DECR1: variants seen among roughly 807,000 people sequenced by gnomAD.
The protein encoded by DECR1 is 2,4-dienoyl-CoA reductase 1, also known as 2,4-dienoyl-CoA reductase [(3E)-enoyl-CoA-producing], mitochondrial.
Under a neutral mutation model 38.8 loss-of-function variants are expected in DECR1, and 44 were observed. The ratio of observed to expected loss-of-function variants is 1.13; its 90% CI spans 0.89 to 1.46. The LOEUF is 1.46. Ranked by LOEUF, DECR1 falls within the 40% of genes most tolerant of loss-of-function variation. The pLI, the probability that DECR1 is intolerant of heterozygous loss-of-function variation, is 0.00. For missense variants in DECR1, 428 were observed against 405.5 expected (o/e 1.06, Z -0.48); for synonymous variants, 148 against 135.2 (o/e 1.09, Z -0.66).
intron 7 of DECR1, among the ~76,000 whole-genome samples, chr8:90,043,235 G>A (rs973625919): frequency 1.1e-4 from 17 of 152,038 alleles, no homozygotes; most frequent in African/African-American, 4.1e-4. Context: ...GCTTTGTCTT[G>A]TTATAGGTAG....
At chr8:90,024,052 C>CT (rs1252137943) in intron 5 of DECR1, among the ~76,000 whole-genome samples, 2 of 152,112 alleles carry the variant, frequency 1.3e-5, no homozygotes, top group African/African-American at 4.8e-5. Context: ...TGAACTCGTC[C>CT]TTTTTTATGG....
At chr8:90,016,995 A>G in intron 1 of DECR1, 129 bp from the exon 2 acceptor site, 2 of 650,956 alleles carry the variant, frequency 3.1e-6, no homozygotes, top group East Asian at 2.7e-5. Context: ...TACAATACCA[A>G]TATGTTTGCA....
At chr8:90,012,272 C>A (rs1319823046) in intron 1 of DECR1, among the ~76,000 whole-genome samples, 1 of 151,814 alleles carries the variant, frequency 6.6e-6, no homozygotes, top group East Asian at 1.9e-4. Flanking sequence ...CCTGCCTCAG[C>A]CTCTCGAATA....
intron 5 of DECR1, among the ~76,000 whole-genome samples, chr8:90,035,973 G>A (rs993008918): frequency 6.6e-6 from 1 of 151,980 alleles, no homozygotes; most frequent in African/African-American, 2.4e-5. Flanking sequence ...TGGATGTTCA[G>A]TGAAGCTGCT....
chr8:90,011,732 A>G (rs1333712382), intron 1 of DECR1, among the ~76,000 whole-genome samples: 1 of 152,100 alleles, frequency 6.6e-6, no homozygotes, highest in Non-Finnish European at 1.5e-5. Context: ...TTTCATTTTC[A>G]TCTTAATGTA....
At chr8:90,021,487 G>T (rs536250580) in intron 5 of DECR1, among the ~76,000 whole-genome samples, 6 of 152,124 alleles carry the variant, frequency 3.9e-5, no homozygotes, top group Non-Finnish European at 8.8e-5. Context: ...ATTTTGGGAA[G>T]GTGGGTTGGA....
Position 90,044,852 on chromosome 8 carries a change from G to A in DECR1, c.742G>A (p.Ala248Thr). ...IQPGPIKTKGAFSRLDPTGTF... is the reference protein window; with the variant it reads ...IQPGPIKTKGTFSRLDPTGTF... ...AATTGTTTTCTTAATTTCTAAGGGT[G>A]CCTTTAGCCGTCTGGACCCAACTGG... Residue 248 changes from alanine to threonine, a missense_variant, in exon 8 of 10, where the codon GCC becomes ACC. Ala to Thr is a moderately conservative substitution (Grantham distance 58). Coordinates refer to ENST00000220764, the MANE Select transcript of DECR1 (RefSeq NM_001359.2). The A allele has an allele frequency of 1.2e-6, 2 of 1,606,960 alleles. No homozygotes were observed. Among genetic ancestry groups the A allele is most frequent in the Non-Finnish European group, 1.7e-6 (2 of 1,177,216 alleles).
chr8:90,031,227 G>T (rs895416015), intron 5 of DECR1, among the ~76,000 whole-genome samples: 13 of 152,110 alleles, frequency 8.5e-5, no homozygotes, highest in African/African-American at 3.1e-4. Context: ...TAGGATTGCT[G>T]TAATGATTAT....
Position 90,052,757 on chromosome 8 carries a change from A to AT in DECR1, c.*860_*861insT, listed in dbSNP as rs1279294880. Among the ~76,000 whole-genome samples the AT allele has an allele frequency of 6.6e-6, 1 of 152,214 alleles. No individual in the cohort carries two copies. Among genetic ancestry groups the AT allele is most frequent in the East Asian group, 1.9e-4 (1 of 5,198 alleles). ...TTTGTCATCCTGAAAATCAAATAATAATGAATCCAAAGTCTCAAGTCTACA... is the reference window on the plus strand; with the variant it reads ...TTTGTCATCCTGAAAATCAAATAATATATGAATCCAAAGTCTCAAGTCTACA... On this transcript the variant is annotated 3_prime_UTR_variant, in exon 10 of 10. Transcript: ENST00000220764.
At position 90,029,612 on chromosome 8, in the gene DECR1, T is replaced by A. The variant is rs1018467213; in HGVS notation, c.566-7229T>A. The A allele has an allele frequency of 4.6e-5, 7 of 152,352 alleles. No individual in the cohort carries two copies. In the East Asian group the frequency reaches 1.3e-3, roughly 29 times the overall value. The allele number at this position is 152,352 out of a possible 1,614,324, so 9.4% of individuals were successfully genotyped here. On this transcript the variant is annotated intron_variant, in intron 5 of 9. Transcript: ENST00000220764. ...CTTGGAAGCATTGAACTAAGTAAAG[T>A]ACATTATACTGTTTTTACAGTTTAA...
chr8:90,027,086 A>G (rs892280736), intron 5 of DECR1, among the ~76,000 whole-genome samples: 4 of 152,112 alleles, frequency 2.6e-5, no homozygotes, highest in Non-Finnish European at 4.4e-5. Flanking sequence ...GGTCTGAGAG[A>G]CAGTTTGTTA....
intron 6 of DECR1, among the ~76,000 whole-genome samples, chr8:90,040,443 T>A (rs1239450030): frequency 6.6e-6 from 1 of 152,182 alleles, no homozygotes; most frequent in African/African-American, 2.4e-5. Context: ...TATAAGACTA[T>A]TAACGGATGT....
chr8:90,002,028 G>T (rs569423858), intron 1 of DECR1, among the ~76,000 whole-genome samples: 1 of 152,178 alleles, frequency 6.6e-6, no homozygotes, highest in African/African-American at 2.4e-5. Flanking sequence ...TGAGCACCGG[G>T]GCCCGGGTCG....
intron 1 of DECR1, among the ~76,000 whole-genome samples, chr8:90,013,529 G>C (rs956412202): frequency 1.3e-5 from 2 of 151,408 alleles, no homozygotes; most frequent in African/African-American, 4.9e-5. Context: ...AGTGAAAAGG[G>C]CTCACTTTTC....
intron 5 of DECR1, among the ~76,000 whole-genome samples, chr8:90,036,469 G>T (rs1168752026): frequency 2.0e-5 from 3 of 152,166 alleles, no homozygotes; most frequent in Non-Finnish European, 4.4e-5. Context: ...GGAGGCAGAA[G>T]TCCCTGCTAG....
Position 90,044,902 on chromosome 8 carries a change from C to A in DECR1, c.792C>A (p.Gly264=). The A allele has an allele frequency of 6.2e-7, 1 of 1,613,264 alleles. No homozygotes were observed. The change falls in exon 8 of 10, where the codon GGC becomes GGA. Residue 264 remains glycine, a synonymous_variant. Transcript: ENST00000220764. ...PTGTFEKEMI[G]RIPCGRLGTV... ...GAACATTTGAGAAAGAAATGATTGG[C>A]AGAATTCCCTGTGGTCGCCTGGGGA...
At chr8:90,048,266 C>CA (rs979598690) in intron 8 of DECR1, among the ~76,000 whole-genome samples, 2 of 151,076 alleles carry the variant, frequency 1.3e-5, no homozygotes, top group East Asian at 1.9e-4. Context: ...TTGAAAAGAC[C>CA]AAAAAAATTG....
chr8:90,052,073 A>G lies in DECR1; in HGVS notation c.*176A>G. ...TATATTCAAAGATAAATAAAATGAA[A>G]TATAGTCCTTCAAAACATTAAAAAA... On this transcript the variant is annotated 3_prime_UTR_variant, in exon 10 of 10. Coordinates refer to ENST00000220764, the MANE Select transcript of DECR1 (RefSeq NM_001359.2). The G allele has an allele frequency of 1.7e-6, 1 of 581,402 alleles. No homozygotes were observed. Among genetic ancestry groups the G allele is most frequent in the South Asian group, 2.5e-5 (1 of 40,552 alleles). The allele number at this position is 581,402 out of a possible 1,614,324, so 36.0% of individuals were successfully genotyped here. A position where few individuals can be genotyped will look rare whatever the true frequency, so the allele number is the denominator to read the frequency against.
intron 5 of DECR1, among the ~76,000 whole-genome samples, chr8:90,036,507 T>C (rs531813296): frequency 1.3e-5 from 2 of 152,322 alleles, no homozygotes; most frequent in South Asian, 4.1e-4. Context: ...TTTATTCTTA[T>C]TCAAGTAGTA....
Sources: gnomAD v4.1 joint callset for allele counts (sites outside exome capture counted in the v4.1 genomes callset) on GRCh38, gnomAD v4.1.1 for gene constraint, MANE v1.5 for transcripts, NCBI Gene and HGNC (gene_info 2026-07-23, HGNC 2026-07-21) for gene names.